The following SPRED2 variants were observed in gnomAD, a reference collection of about 807,000 sequenced individuals.
SPRED2 encodes the protein sprouty-related, EVH1 domain-containing protein 2.
Under a neutral mutation model 43.0 loss-of-function variants are expected in SPRED2, and 47 were observed. The observed-to-expected ratio is 1.09, with a 90% CI of 0.87 to 1.40. The LOEUF (loss-of-function observed/expected upper bound fraction) is 1.40. Ranked by LOEUF, SPRED2 falls within the 40% of genes most tolerant of loss-of-function variation. The probability of loss-of-function intolerance (pLI) is 0.00; values close to 1 mark genes in which losing one functional copy is unlikely to be tolerated. For missense variants in SPRED2, 561 were observed against 586.4 expected (o/e 0.96, Z 0.45); for synonymous variants, 225 against 225.7 (o/e 1.00, Z 0.03).
intron 1 of SPRED2, among the ~76,000 whole-genome samples, chr2:65,383,963 T>C (rs1396052837): frequency 6.6e-6 from 1 of 152,230 alleles, no homozygotes; most frequent in Non-Finnish European, 1.5e-5. Flanking sequence ...CTGCAGTGCA[T>C]GTTTCTACAA....
At chr2:65,341,442 C>T (rs1674181709) in intron 2 of SPRED2, among the ~76,000 whole-genome samples, 1 of 152,080 alleles carries the variant, frequency 6.6e-6, no homozygotes, top group Non-Finnish European at 1.5e-5. Context: ...AGTTGGTCCA[C>T]GACTCAGCGG....
At chr2:65,398,975 G>A (rs1015851449) in intron 1 of SPRED2, among the ~76,000 whole-genome samples, 1 of 152,196 alleles carries the variant, frequency 6.6e-6, no homozygotes, top group Non-Finnish European at 1.5e-5. Context: ...CAACCAACAA[G>A]TGGATAGAGA....
At chr2:65,421,756 A>T (rs1676428703) in intron 1 of SPRED2, among the ~76,000 whole-genome samples, 1 of 152,220 alleles carries the variant, frequency 6.6e-6, no homozygotes, top group African/African-American at 2.4e-5. Flanking sequence ...ATGTCACTAC[A>T]TAGTTCTGAG....
downstream of SPRED2, chr2:65,310,737 A>C: frequency 2.7e-6 from 1 of 367,934 alleles, no homozygotes; most frequent in Non-Finnish European, 3.8e-6. Context: ...ACCGGTGTCC[A>C]CATGTCCTTC....
chr2:65,310,458 TACACACAC>T (rs55916427), downstream of SPRED2, among the ~76,000 whole-genome samples: 5,832 of 137,902 alleles, frequency 0.042, 160 homozygotes, highest in East Asian at 0.075. Context: ...TCCTCCAAAC[TACACACAC>T]ACACACACAC....
At chr2:65,384,835 C>G (rs1253706983) in intron 1 of SPRED2, among the ~76,000 whole-genome samples, 1 of 152,224 alleles carries the variant, frequency 6.6e-6, no homozygotes, top group African/African-American at 2.4e-5. Context: ...CTCGATTCAC[C>G]AAGAGTTCCA....
In SPRED2 at chr2:65,397,626, T is replaced by C. The variant is rs992410007; in HGVS notation, c.26+34336A>G. Among the ~76,000 whole-genome samples the C allele has an allele frequency of 5.4e-5, 7 of 130,686 alleles. No homozygotes were observed. The East Asian group carries it at 1.3e-3, about 24-fold the overall frequency. 85.7% of individuals were successfully genotyped at this position (130,686 alleles called of 152,430 possible). ...TAGCATCACTTTTTTTTTTTTTTTT[T>C]GCCCTTTACTCACAATACAAGGTAA... is the stretch of plus-strand genomic sequence containing the variant. On this transcript the variant is annotated intron_variant, in intron 1 of 5. Coordinates refer to ENST00000356388, the MANE Select transcript of SPRED2 (RefSeq NM_181784.3).
At chr2:65,386,697 C>A (rs1294527111) in intron 1 of SPRED2, among the ~76,000 whole-genome samples, 1 of 152,172 alleles carries the variant, frequency 6.6e-6, no homozygotes, top group African/African-American at 2.4e-5. Flanking sequence ...CTCGGACTAT[C>A]TATATAAGGA....
intron 1 of SPRED2, among the ~76,000 whole-genome samples, chr2:65,360,079 C>CAAAAAAAAAAAAAAAAAAAAA (rs143422380): frequency 1.1e-5 from 1 of 93,702 alleles, no homozygotes; most frequent in Non-Finnish European, 2.0e-5. Flanking sequence ...AAAAAAAAAA[C>CAAAAAAAAAAAAAAAAAAAAA]AAAAAAAAAC....
intron 1 of SPRED2, among the ~76,000 whole-genome samples, chr2:65,395,043 C>A (rs892771293): frequency 1.3e-5 from 2 of 152,104 alleles, no homozygotes; most frequent in African/African-American, 4.8e-5. Context: ...CCCCAGTAAC[C>A]TTGGGTGTAC....
Position 65,334,764 on chromosome 2 carries a change from C to T in SPRED2, c.214G>A (p.Glu72Lys). ...ACCAAGTCCTTTCTTACATAGCATT[C>T]CAATACCACCTGAAGGATGGAAACA... ...ERQKDKLVVL[E>K]CYVRKDLVYT... The change falls in exon 3 of 6, where the codon GAA (glutamate) becomes AAA (lysine). Residue 72 changes from glutamate to lysine, a missense_variant. Glu to Lys is a moderately conservative substitution (Grantham distance 56). Coordinates refer to ENST00000356388, the MANE Select transcript of SPRED2 (RefSeq NM_181784.3). The T allele has an allele frequency of 6.2e-7, 1 of 1,614,156 alleles. No homozygotes were observed. The highest frequency in any genetic ancestry group is 8.5e-7 in the Non-Finnish European group (1 of 1,180,018).
Position 65,432,041 on chromosome 2 carries a change from C to A in SPRED2, c.-54G>T. ...CGGCGGGCAGCTTTGCTCCCTTCAT[C>A]TTCCTGTCCGCTCGCCCCCCTTCTT... On this transcript the variant is annotated 5_prime_UTR_variant, in exon 1 of 6. Transcript: ENST00000356388. 1.2e-6 allele frequency: 2 copies of A among 1,611,426 alleles called. No homozygotes were observed. Among genetic ancestry groups the A allele is most frequent in the East Asian group, 4.5e-5 (2 of 44,836 alleles).
In SPRED2 at chr2:65,339,476, T is replaced by C. The variant is rs370783145; in HGVS notation, c.205-4703A>G. Among the ~76,000 whole-genome samples the C allele has an allele frequency of 5.9e-5, 9 of 151,420 alleles. 1 individual carries two copies. The highest frequency in any genetic ancestry group is 1.9e-4 in the African/African-American group (8 of 41,234). ...TGTGCTGTGTCCACTCAGGGTTAAA[T>C]GGATTAAGGGCGGTGCAAGATGTGC... On this transcript the variant is annotated intron_variant, in intron 2 of 5. Transcript: ENST00000356388.
At chr2:65,366,614 A>T (rs549770776) in intron 1 of SPRED2, 1 of 1,553,580 alleles carries the variant, frequency 6.4e-7, no homozygotes, top group South Asian at 1.2e-5. Flanking sequence ...CATTTCCTCT[A>T]CATTGTGGAG....
chr2:65,325,764 A>C (rs1673592899), intron 4 of SPRED2, among the ~76,000 whole-genome samples: 1 of 152,178 alleles, frequency 6.6e-6, no homozygotes, highest in South Asian at 2.1e-4. Flanking sequence ...AACATGGTGA[A>C]ACCCCATCTT....
intron 1 of SPRED2, among the ~76,000 whole-genome samples, chr2:65,419,236 GA>G (rs1676360514): frequency 6.6e-6 from 1 of 152,182 alleles, no homozygotes; most frequent in African/African-American, 2.4e-5. Flanking sequence ...TCCAAGAGTA[GA>G]AAGGGGACAG....
chr2:65,322,294 A>ATATAT (rs1350932295), intron 4 of SPRED2, among the ~76,000 whole-genome samples: 25 of 64,926 alleles, frequency 3.9e-4, no homozygotes, highest in Admixed American at 1.3e-3. Context: ...ATATATATAT[A>ATATAT]TTTTTTTTTT....
chr2:65,394,401 A>G (rs528222482), intron 1 of SPRED2, among the ~76,000 whole-genome samples: 1 of 152,324 alleles, frequency 6.6e-6, no homozygotes, highest in African/African-American at 2.4e-5. Context: ...GCAGCTGTGA[A>G]TGGACAGGAA....
intron 2 of SPRED2, among the ~76,000 whole-genome samples, chr2:65,338,940 C>G (rs1262966186): frequency 1.3e-5 from 2 of 150,840 alleles, no homozygotes; most frequent in Non-Finnish European, 1.5e-5. Flanking sequence ...GGGAGCGCCT[C>G]TGCCCCGCCG....
Sources: allele counts gnomAD v4.1 joint callset (sites outside exome capture counted in the v4.1 genomes callset), GRCh38; gene constraint gnomAD v4.1.1; transcripts MANE v1.5; gene names NCBI Gene and HGNC (gene_info 2026-07-23, HGNC 2026-07-21).